Variants in COG8 observed in about 807,000 individuals in gnomAD.
COG8 encodes conserved oligomeric Golgi complex subunit 8.
In COG8, 45 loss-of-function variants were observed where a neutral mutation model predicts 46.5. The observed-to-expected ratio is 0.97, with a 90% CI of 0.76 to 1.24. The LOEUF (loss-of-function observed/expected upper bound fraction) is 1.24, where lower values mean the gene tolerates loss of function less well. COG8 is among the 50% of genes most tolerant of loss of function. COG8 has a pLI of 0.00. For synonymous variants in COG8, 407 were observed against 347.8 expected, an observed-to-expected ratio of 1.17 and a Z score of -1.90; for missense variants, 793 against 820.8, an observed-to-expected ratio of 0.97 and a Z score of 0.41.
rs768247840 is a variant in COG8 at position 69,332,769 on chromosome 16, A to G, written c.1527T>C (p.Tyr509=). The change falls in exon 4 of 6, where the codon TAT becomes TAC. Residue 509 remains tyrosine, a synonymous_variant. Transcript: ENST00000306875. The stretch of plus-strand genomic sequence containing the variant: ...AAAGGACTTGGAGACAGCGATTTAA[A>G]TACGGAACAAGGTCTTCCAGGAAGA... ...CTVFLEDLVP[Y]LNRCLQVLFP... is the part of the protein sequence containing the mutation. 2 of 1,614,246 alleles carry G rather than the reference A, an allele frequency of 1.2e-6. No homozygotes were observed. Among genetic ancestry groups the G allele is most frequent in the South Asian group, 1.1e-5 (1 of 91,088 alleles).
At position 69,328,870 on chromosome 16, in the gene COG8, C is replaced by T. The variant is rs904231055; in HGVS notation, c.*336G>A. 3 of 1,005,120 alleles carry T rather than the reference C, an allele frequency of 3.0e-6. No homozygotes were observed. Among genetic ancestry groups the T allele is most frequent in the Non-Finnish European group, 4.3e-6 (3 of 699,806 alleles). The allele number at this position is 1,005,120 out of a possible 1,614,324, so 62.3% of individuals were successfully genotyped here. On this transcript the variant is annotated 3_prime_UTR_variant, in exon 6 of 6. Coordinates refer to ENST00000306875, the MANE Select transcript of COG8 (RefSeq NM_032382.5). ...CTGATTTCAGGGCAAACATTTCTGA[C>T]ATCTTCCTCCAGCTCAGTCTGCCAT...
chr16:69,330,916 G>A lies in COG8; in HGVS notation c.1762C>T (p.Leu588=). The part of the protein sequence containing the change: ...APEPPAEEPR[L]EPAGPACPEG... ...GGGCAGGCTGGGCCCGCGGGCTCCA[G>A]GCGTGGCTCCTCGGCGGGAGGCTCT... Residue 588 remains leucine, a synonymous_variant, in exon 5 of 6, where the codon CTG becomes TTG. Coordinates refer to ENST00000306875, the MANE Select transcript of COG8 (RefSeq NM_032382.5). The A allele has an allele frequency of 1.3e-6, 2 of 1,557,400 alleles. No individual in the cohort carries two copies. The highest frequency in any genetic ancestry group is 2.7e-5 in the African/African-American group (2 of 73,676).
intron 5 of COG8, 145 bp downstream of exon 5, chr16:69,330,668 G>A (rs2011746391): frequency 3.6e-6 from 5 of 1,395,780 alleles, no homozygotes; most frequent in Non-Finnish European, 4.6e-6. Flanking sequence ...AGCCGCGACT[G>A]GATCCCCGCC....
chr16:69,331,851 G>A (rs1013600181), intron 4 of COG8, among the ~76,000 whole-genome samples: 2 of 152,146 alleles, frequency 1.3e-5, no homozygotes, highest in Admixed American at 1.3e-4. Flanking sequence ...TACAGGGAAT[G>A]GGAAGCTATA....
chr16:69,333,111 T>C lies in COG8; in HGVS notation c.1414-229A>G, dbSNP rs779699493. ...CCAACTTGTTACATTACGGGTATAG[T>C]TTCCGGTTCCAGTGGAGGAGTGTCA... On this transcript the variant is annotated intron_variant, in intron 3 of 5. Transcript: ENST00000306875. 1.2e-4 allele frequency among the ~76,000 whole-genome samples: 18 copies of C among 152,154 alleles called. 1 individual carries two copies. The highest frequency in any genetic ancestry group is 1.9e-4 in the Non-Finnish European group (13 of 68,020).
intron 3 of COG8, among the ~76,000 whole-genome samples, chr16:69,333,722 ACT>A (rs1300293213): frequency 2.0e-5 from 3 of 152,162 alleles, no homozygotes; most frequent in Non-Finnish European, 4.4e-5. Context: ...AGTTCAAGTG[ACT>A]CACACCTGTA....
intron 5 of COG8, chr16:69,330,579 C>T (rs747145620): frequency 6.9e-7 from 1 of 1,451,324 alleles, no homozygotes; most frequent in Non-Finnish European, 9.0e-7. Flanking sequence ...ATGGCGGCCC[C>T]CTTAACAGTG....
At chr16:69,329,885 C>G (rs1275366347) in intron 5 of COG8, 3 of 1,295,528 alleles carry the variant, frequency 2.3e-6, no homozygotes, top group Non-Finnish European at 3.0e-6. Flanking sequence ...CATCCCACTT[C>G]GCTCCTGCGG....
chr16:69,331,834 C>G (rs1439535863), intron 4 of COG8, among the ~76,000 whole-genome samples: 1 of 152,126 alleles, frequency 6.6e-6, no homozygotes, highest in Non-Finnish European at 1.5e-5. Flanking sequence ...GCAAAAACCA[C>G]CTTTGTTACA....
In COG8 at chr16:69,330,798, G is replaced by A. The variant is rs529767569; in HGVS notation, c.*26+15C>T. 1.3e-6 allele frequency: 2 copies of A among 1,516,322 alleles called. No homozygotes were observed. Among genetic ancestry groups the A allele is most frequent in the South Asian group, 2.5e-5 (2 of 80,762 alleles). The allele number at this position is 1,516,322 out of a possible 1,614,324, so 93.9% of individuals were successfully genotyped here. A position where few individuals can be genotyped will look rare whatever the true frequency, so the allele number is the denominator to read the frequency against. On this transcript the variant is annotated intron_variant, in intron 5 of 5. Transcript: ENST00000306875. Reference sequence around the variant, plus strand: ...GAGGCAGTCCTGGCCACCCCGCGCCGGGAACCTCACGCACCGCGTTCTGGA... The same window carrying A: ...GAGGCAGTCCTGGCCACCCCGCGCCAGGAACCTCACGCACCGCGTTCTGGA...
At chr16:69,330,451 C>A in intron 5 of COG8, 1 of 1,472,886 alleles carries the variant, frequency 6.8e-7, no homozygotes. Context: ...GCGCCGGGCC[C>A]TCGACGCCGT....
intron 5 of COG8, chr16:69,330,393 G>A: frequency 2.0e-6 from 3 of 1,479,360 alleles, no homozygotes; most frequent in Non-Finnish European, 2.7e-6. Flanking sequence ...GGCGGTTCGG[G>A]AGGACCCAGC....
Position 69,329,045 on chromosome 16 carries a change from AG to A in COG8, c.*160del. On this transcript the variant is annotated 3_prime_UTR_variant, in exon 6 of 6. Coordinates refer to ENST00000306875, the MANE Select transcript of COG8 (RefSeq NM_032382.5). ...CTTTAGTCATTCACCTTCATCCAAT[AG>A]ACGTTTGTGAACGTCCTGCTGTCCA... 1 of 1,610,866 alleles carries A rather than the reference AG, an allele frequency of 6.2e-7. No homozygotes were observed. Among genetic ancestry groups the A allele is most frequent in the South Asian group, 1.1e-5 (1 of 90,578 alleles).
At position 69,329,178 on chromosome 16, in the gene COG8, C is replaced by G; in HGVS notation, c.*28G>C. 1 of 1,594,272 alleles carries G rather than the reference C, an allele frequency of 6.3e-7. No homozygotes were observed. Among genetic ancestry groups the G allele is most frequent in the Non-Finnish European group, 8.5e-7 (1 of 1,173,498 alleles). On this transcript the variant is annotated splice_region_variant and 3_prime_UTR_variant, in exon 6 of 6. Transcript: ENST00000306875. ...CCACCTGTTCTCCATTGGGGTCCAG[C>G]CCTGCAAAGGAAGTTACAGCCCTGG...
intron 1 of COG8, among the ~76,000 whole-genome samples, chr16:69,336,987 C>T (rs1191623092): frequency 1.3e-5 from 2 of 152,142 alleles, no homozygotes; most frequent in African/African-American, 4.8e-5. Context: ...CTCTCTGAAC[C>T]TATTTCCTCA....
chr16:69,336,578 T>C lies in COG8; in HGVS notation c.512A>G (p.Tyr171Cys), dbSNP rs1398930142. 1 of 1,614,192 alleles carries C rather than the reference T, an allele frequency of 6.2e-7. No individual in the cohort carries two copies. The highest frequency in any genetic ancestry group is 1.3e-5 in the African/African-American group (1 of 75,058). ...LMDTCVRNSY[Y>C]EEALELAAYV... ...GGCTGCAAGCTCCAGGGCCTCTTCA[T>C]AATAACTGTTCCGGACACAGGTGTC... Residue 171 changes from tyrosine (Y) to cysteine (C), a missense_variant, in exon 2 of 6, where the codon TAT (tyrosine) becomes TGT (cysteine). By Grantham distance (194) the Tyr-to-Cys change is radical. Coordinates refer to ENST00000306875, the MANE Select transcript of COG8 (RefSeq NM_032382.5).
rs781572068 is a variant in COG8, at chr16:69,334,552, A to G, written c.1382T>C (p.Val461Ala). Residue 461 changes from valine (V) to alanine (A), a missense_variant, in exon 3 of 6, where the codon GTG becomes GCG. Val to Ala is a moderately conservative substitution (Grantham distance 64, BLOSUM62 0). Coordinates refer to ENST00000306875, the MANE Select transcript of COG8 (RefSeq NM_032382.5). Reference protein sequence around the residue: ...LCCPVALAQDVTGALEDALAK... With the variant: ...LCCPVALAQDATGALEDALAK... ...AAGGGCATCTTCCAAGGCCCCAGTC[A>G]CATCCTGCGCCAGGGCCACAGGGCA... 1 of 1,614,220 alleles carries G rather than the reference A, an allele frequency of 6.2e-7. No homozygotes were observed. The highest frequency in any genetic ancestry group is 1.7e-5 in the Admixed American group (1 of 60,032).
At chr16:69,336,878 CCA>C in intron 1 of COG8, among the ~76,000 whole-genome samples, 166 bp from the exon 2 acceptor site, 1 of 152,088 alleles carries the variant, frequency 6.6e-6, no homozygotes, top group Admixed American at 6.5e-5. Flanking sequence ...ATTTTTAATC[CCA>C]GAGAGGTTAA....
rs369294405 is a variant in COG8, at chr16:69,327,334, A to G, written c.*1872T>C. On this transcript the variant is annotated 3_prime_UTR_variant, in exon 6 of 6. Coordinates refer to ENST00000306875, the MANE Select transcript of COG8 (RefSeq NM_032382.5). ...AGGCGCCTACCAGCACACCCAGCTA[A>G]TTTTCATATTTTTAGTAGAAACAGT... The G allele has an allele frequency of 6.6e-6, 1 of 151,772 alleles. No homozygotes were observed. The highest frequency in any genetic ancestry group is 1.9e-4 in the East Asian group (1 of 5,178). The allele number at this position is 151,772 out of a possible 1,614,324, so 9.4% of individuals were successfully genotyped here. A position where few individuals can be genotyped will look rare whatever the true frequency, so the allele number is the denominator to read the frequency against.
Sources: gnomAD v4.1 joint callset for allele counts (sites outside exome capture counted in the v4.1 genomes callset) on GRCh38, gnomAD v4.1.1 for gene constraint, MANE v1.5 for transcripts, NCBI Gene and HGNC (gene_info 2026-07-23, HGNC 2026-07-21) for gene names.